The following RNPEP variants were observed in gnomAD, a reference collection of about 807,000 sequenced individuals.
RNPEP encodes the protein arginyl aminopeptidase, also known as aminopeptidase B.
Under a neutral mutation model 70.1 loss-of-function variants are expected in RNPEP, and 57 were observed. The ratio of observed to expected loss-of-function variants is 0.81; its 90% CI spans 0.66 to 1.01. The LOEUF (loss-of-function observed/expected upper bound fraction) is 1.01, where lower values mean the gene tolerates loss of function less well. RNPEP is among the 50% of genes least tolerant of loss of function. The probability of loss-of-function intolerance (pLI) is 0.00; values close to 1 mark genes in which losing one functional copy is unlikely to be tolerated. For synonymous variants in RNPEP, 335 were observed against 357.4 expected (o/e 0.94, Z 0.71); for missense variants, 787 against 852.4 (o/e 0.92, Z 0.96).
At chr1:202,002,165 C>CTTT (rs112152568) in intron 8 of RNPEP, among the ~76,000 whole-genome samples, 1 of 138,098 alleles carries the variant, frequency 7.2e-6, no homozygotes, top group South Asian at 2.3e-4. Context: ...CTTTTCTTTT[C>CTTT]TTTTTTTTTT....
rs372806884 is a variant in RNPEP, at chr1:201,989,448, C to G, written c.654C>G (p.Phe218Leu). 17 of 1,614,102 alleles carry G rather than the reference C, an allele frequency of 1.1e-5. No homozygotes were observed. In the African/African-American group the frequency reaches 1.5e-4, roughly 14 times the overall value. The change falls in exon 3 of 11, where the codon TTC (phenylalanine) becomes TTG (leucine). Residue 218 changes from phenylalanine (F) to leucine (L), a missense_variant. By Grantham distance (22) the Phe-to-Leu change is conservative. Transcript: ENST00000295640. ...STWEKRGPNK[F>L]FFQMCQPIPS... ...GGGAGAAGAGAGGTCCAAATAAGTT[C>G]TTCTTCCAGATGTGTCAGCCCATCC...
At position 201,983,014 on chromosome 1, in the gene RNPEP, G is replaced by C. The variant is rs747240322; in HGVS notation, c.348G>C (p.Ser116=). The C allele has an allele frequency of 3.9e-6, 6 of 1,523,444 alleles. No individual in the cohort carries two copies. The highest frequency in any genetic ancestry group is 5.3e-6 in the Non-Finnish European group (6 of 1,137,598). 94.4% of individuals were successfully genotyped at this position (1,523,444 alleles called of 1,614,324 possible). The part of the protein sequence containing the change: ...EPVSFYTQPF[S]HYGQALCVSF... Reference sequence around the variant, plus strand: ...TGAGCTTCTACACGCAGCCCTTCTCGCACTATGGCCAGGCCCTGTGCGTGT... The same window carrying C: ...TGAGCTTCTACACGCAGCCCTTCTCCCACTATGGCCAGGCCCTGTGCGTGT... Residue 116 remains serine, a synonymous_variant, in exon 1 of 11, where the codon TCG becomes TCC. Transcript: ENST00000295640.
rs753020573 is a variant in RNPEP, at chr1:201,997,467, C to G, written c.1003C>G (p.Leu335Val). 6.2e-7 allele frequency: 1 copy of G among 1,614,166 alleles called. No homozygotes were observed. The highest frequency in any genetic ancestry group is 1.7e-5 in the Admixed American group (1 of 60,016). Residue 335 changes from leucine to valine, a missense_variant, in exon 5 of 11, where the codon CTG becomes GTG. Physicochemically the swap from Leu to Val is conservative, Grantham distance 32 (BLOSUM62 1). Coordinates refer to ENST00000295640, the MANE Select transcript of RNPEP (RefSeq NM_020216.4). Reference protein sequence around the residue: ...HEISHSWFGNLVTNANWGEFW... With the variant: ...HEISHSWFGNVVTNANWGEFW... ...GATCTCCCACAGTTGGTTTGGGAAC[C>G]TGGTCACCAACGCCAACTGGGGTGA...
intron 3 of RNPEP, among the ~76,000 whole-genome samples, chr1:201,993,998 G>A (rs1437756869): frequency 1.3e-5 from 2 of 149,700 alleles, no homozygotes; most frequent in African/African-American, 2.5e-5. Context: ...GAGGCCATTC[G>A]CCTCAATACG....
intron 10 of RNPEP, 131 bp from the exon 11 acceptor site, chr1:202,005,427 A>G (rs1196068293): frequency 2.8e-5 from 28 of 1,002,870 alleles, no homozygotes; most frequent in Non-Finnish European, 3.9e-5. Context: ...GAAGCTCCTC[A>G]TTCCAGCTGT....
At chr1:202,001,568 G>T in intron 7 of RNPEP, 80 bp downstream of exon 7, 4 of 1,435,792 alleles carry the variant, frequency 2.8e-6, no homozygotes, top group Admixed American at 1.7e-5. Flanking sequence ...GGGGGCGAAA[G>T]ATGTAAGGGG....
At chr1:201,983,376 C>G (rs957347310) in intron 1 of RNPEP, 2 of 1,500,956 alleles carry the variant, frequency 1.3e-6, no homozygotes, top group Non-Finnish European at 1.8e-6. Flanking sequence ...TCCGCGTCTC[C>G]TCCCTGGCCC....
Position 201,997,426 on chromosome 1 carries a change from A to T in RNPEP, c.962A>T (p.Asp321Val), listed in dbSNP as rs1033681386. The part of the protein sequence containing the change: ...CLLAGDRSLA[D>V]VIIHEISHSW... ...CTAGCTGGGGACCGCTCCTTGGCAG[A>T]TGTCATCATCCATGAGATCTCCCAC... The change falls in exon 5 of 11, where the codon GAT (aspartate) becomes GTT (valine). Residue 321 changes from aspartate to valine, a missense_variant. Coordinates refer to ENST00000295640, the MANE Select transcript of RNPEP (RefSeq NM_020216.4). 2 of 1,613,974 alleles carry T rather than the reference A, an allele frequency of 1.2e-6. No individual in the cohort carries two copies. Among genetic ancestry groups the T allele is most frequent in the Admixed American group, 3.3e-5 (2 of 60,002 alleles).
chr1:202,001,968 C>A (rs933730908), intron 8 of RNPEP, among the ~76,000 whole-genome samples: 1 of 152,014 alleles, frequency 6.6e-6, no homozygotes, highest in African/African-American at 2.4e-5. Flanking sequence ...CATTTTCTCC[C>A]AGTCTGTTTC....
In RNPEP at chr1:201,990,603, T is replaced by G. The variant is rs1339863747; in HGVS notation, c.737+1072T>G. ...GAGGCAGTGGTGTCCTTGACAACAT[T>G]AGTTACGAGCCTCAGACTTCATAAC... On this transcript the variant is annotated intron_variant, in intron 3 of 10. Transcript: ENST00000295640. 2.0e-5 allele frequency among the ~76,000 whole-genome samples: 3 copies of G among 152,192 alleles called. No homozygotes were observed. In the East Asian group the frequency reaches 5.8e-4, roughly 29 times the overall value.
At chr1:202,004,332 A>G in intron 9 of RNPEP, 22 bp from the exon 10 acceptor site, 1 of 1,613,674 alleles carries the variant, frequency 6.2e-7, no homozygotes, top group Admixed American at 1.7e-5. Context: ...CCAGCCACAA[A>G]CCATTTCTTT....
At chr1:201,990,119 A>T (rs1210735806) in intron 3 of RNPEP, among the ~76,000 whole-genome samples, 3 of 152,226 alleles carry the variant, frequency 2.0e-5, no homozygotes, top group African/African-American at 7.2e-5. Context: ...TGCTGGGATT[A>T]CAGGCATGAG....
chr1:201,983,418 G>A (rs1384029269), intron 1 of RNPEP: 2 of 1,476,168 alleles, frequency 1.4e-6, no homozygotes, highest in South Asian at 1.2e-5. Flanking sequence ...CCGCATTCCC[G>A]CTCATCGCAC....
At position 201,989,544 on chromosome 1, in the gene RNPEP, G is replaced by C. The variant is rs191363888; in HGVS notation, c.737+13G>C. On this transcript the variant is annotated intron_variant, in intron 3 of 10. Coordinates refer to ENST00000295640, the MANE Select transcript of RNPEP (RefSeq NM_020216.4). Reference sequence around the variant, plus strand: ...AAGTTGGACCCAGGTAGGAGACAAAGACCCCACAGGCAAGGTTGGATTGGC... The same window carrying C: ...AAGTTGGACCCAGGTAGGAGACAAACACCCCACAGGCAAGGTTGGATTGGC... 6.2e-3 allele frequency: 9,987 copies of C among 1,613,946 alleles called. 54 individuals are homozygous for C. The highest frequency in any genetic ancestry group is 7.7e-3 in the Non-Finnish European group (9,063 of 1,179,906).
chr1:202,001,669 A>C lies in RNPEP; in HGVS notation c.1328A>C (p.His443Pro). 6.2e-7 allele frequency: 1 copy of C among 1,612,706 alleles called. No individual in the cohort carries two copies. Among genetic ancestry groups the C allele is most frequent in the Non-Finnish European group, 8.5e-7 (1 of 1,178,690 alleles). ...TTTCCCTCCTCACAGGCCTATGTGC[A>C]TGAATTCAAATTCCGAAGCATCTTA... The part of the protein sequence containing the change: ...QFDSFLKAYV[H>P]EFKFRSILAD... Residue 443 changes from histidine (H) to proline (P), a missense_variant, in exon 8 of 11, where the codon CAT (histidine) becomes CCT (proline). Coordinates refer to ENST00000295640, the MANE Select transcript of RNPEP (RefSeq NM_020216.4).
At chr1:201,997,649 G>A in intron 5 of RNPEP, 95 bp downstream of exon 5, 1 of 904,386 alleles carries the variant, frequency 1.1e-6, no homozygotes, top group African/African-American at 1.6e-5. Context: ...ATACAAGTGG[G>A]TGTGAAGAGA....
chr1:201,995,148 G>A (rs1330378260), intron 3 of RNPEP, among the ~76,000 whole-genome samples: 1 of 151,860 alleles, frequency 6.6e-6, no homozygotes, highest in Non-Finnish European at 1.5e-5. Context: ...AGCCACCTTT[G>A]TTTCCCTATC....
rs140321970 is a variant in RNPEP at position 201,997,511 on chromosome 1, T to G, written c.1047T>G (p.Gly349=). 2.5e-5 allele frequency: 40 copies of G among 1,614,018 alleles called. No individual in the cohort carries two copies. The African/African-American group carries it at 5.1e-4, about 20-fold the overall frequency. The change falls in exon 5 of 11, where the codon GGT becomes GGG. Residue 349 remains glycine (G), a synonymous_variant. Coordinates refer to ENST00000295640, the MANE Select transcript of RNPEP (RefSeq NM_020216.4). ...GGGGTGAATTCTGGCTCAATGAAGG[T>G]TTCACCATGTACGCCCAGAGGAGGA... ...ANWGEFWLNE[G]FTMYAQRRIS... is the part of the protein sequence containing the mutation.
chr1:201,987,264 G>C (rs1013212955), intron 1 of RNPEP, among the ~76,000 whole-genome samples: 3 of 151,968 alleles, frequency 2.0e-5, no homozygotes, highest in Non-Finnish European at 2.9e-5. Context: ...CAGCCAGAAA[G>C]TTTTCTTCCC....
Sources: gnomAD v4.1 joint callset for allele counts (sites outside exome capture counted in the v4.1 genomes callset) on GRCh38, gnomAD v4.1.1 for gene constraint, MANE v1.5 for transcripts, NCBI Gene and HGNC (gene_info 2026-07-23, HGNC 2026-07-21) for gene names.